Variants in CHLSN observed in about 807,000 individuals in gnomAD.
CHLSN encodes cholesin, also known as protein cholesin.
the CHLSN span, among the ~76,000 whole-genome samples, chr7:1,070,354 T>TG: frequency 2.9e-5 from 3 of 104,770 alleles, no homozygotes; most frequent in East Asian, 2.6e-4. Flanking sequence ...GGGAGGGAGG[T>TG]GGGGGGGTCA....
the CHLSN span, chr7:1,058,432 A>G: frequency 9.0e-6 from 7 of 780,596 alleles, no homozygotes; most frequent in Non-Finnish European, 1.7e-5. Context: ...TTCCCCAGCA[A>G]GCTCCAACGG....
the CHLSN span, among the ~76,000 whole-genome samples, chr7:999,354 G>T: frequency 6.6e-6 from 1 of 152,332 alleles, no homozygotes; most frequent in East Asian, 1.9e-4. Context: ...GGCTTCCCAG[G>T]CTGTTCCAGT....
At chr7:1,022,604 A>T in the CHLSN span, among the ~76,000 whole-genome samples, 2 of 152,176 alleles carry the variant, frequency 1.3e-5, no homozygotes, top group Non-Finnish European at 2.9e-5. Context: ...AGCCAGGACC[A>T]CATTCGGATC....
chr7:1,013,683 A>G, the CHLSN span, among the ~76,000 whole-genome samples: 1 of 152,194 alleles, frequency 6.6e-6, no homozygotes, highest in African/African-American at 2.4e-5. Flanking sequence ...GACGGGCCTC[A>G]TGGAAGGAAG....
chr7:1,029,118 G>C, the CHLSN span: 1 of 152,140 alleles, frequency 6.6e-6, no homozygotes, highest in African/African-American at 2.4e-5. Flanking sequence ...TAAGACTGCA[G>C]ATCAGTTTTT....
chr7:1,092,658 C>T, the CHLSN span: 2 of 1,613,200 alleles, frequency 1.2e-6, no homozygotes, highest in Non-Finnish European at 1.7e-6. Flanking sequence ...ACATTGTCAA[C>T]CTCGCCGCCT....
At chr7:1,019,815 C>A in the CHLSN span, among the ~76,000 whole-genome samples, 14 of 152,346 alleles carry the variant, frequency 9.2e-5, no homozygotes, top group African/African-American at 3.1e-4. Context: ...GCTGGGGCTG[C>A]CTGGGGTCAC....
the CHLSN span, chr7:984,863 G>C: frequency 6.7e-7 from 1 of 1,490,522 alleles, no homozygotes; most frequent in African/African-American, 1.4e-5. Context: ...TCGCTGCCCT[G>C]TCAGCCTGCT....
chr7:1,022,158 C>T, the CHLSN span, among the ~76,000 whole-genome samples: 3 of 152,222 alleles, frequency 2.0e-5, no homozygotes, highest in East Asian at 1.9e-4. Context: ...TCGTGAGCCA[C>T]GGTGGTGACG....
At chr7:1,038,227 G>A in the CHLSN span, among the ~76,000 whole-genome samples, 8 of 85,046 alleles carry the variant, frequency 9.4e-5, 1 homozygote, top group East Asian at 1.1e-3. Flanking sequence ...CCCCCCGACC[G>A]GCCAGCCGTG....
At chr7:1,046,834 C>T in the CHLSN span, among the ~76,000 whole-genome samples, 1 of 152,206 alleles carries the variant, frequency 6.6e-6, no homozygotes, top group African/African-American at 2.4e-5. Context: ...ACTGTCGCTA[C>T]CACAGCTAGT....
At chr7:1,085,163 A>T in the CHLSN span, among the ~76,000 whole-genome samples, 1 of 152,240 alleles carries the variant, frequency 6.6e-6, no homozygotes, top group Non-Finnish European at 1.5e-5. Context: ...TCTATGCATT[A>T]TCCAGTATTT....
At chr7:1,001,773 G>A in the CHLSN span, among the ~76,000 whole-genome samples, 1 of 120,596 alleles carries the variant, frequency 8.3e-6, no homozygotes. Flanking sequence ...CTGCGGGTGA[G>A]TGGAGTCCTG....
the CHLSN span, chr7:984,336 C>G: frequency 1.3e-6 from 2 of 1,493,980 alleles, no homozygotes; most frequent in South Asian, 1.3e-5. Context: ...CTACCCAGCA[C>G]AGGCCCGGCC....
chr7:1,122,051 G>A, the CHLSN span, among the ~76,000 whole-genome samples: 9,480 of 152,148 alleles, frequency 0.062, 449 homozygotes, highest in African/African-American at 0.12. Flanking sequence ...CCGCCGGCTC[G>A]CAGCCAGCCA....
At chr7:987,584 G>A in the CHLSN span, 24 of 1,430,160 alleles carry the variant, frequency 1.7e-5, no homozygotes, top group African/African-American at 5.7e-5. Flanking sequence ...AGGCCTCGGC[G>A]GGGGTCCAGG....
the CHLSN span, among the ~76,000 whole-genome samples, chr7:1,102,006 C>A: frequency 6.6e-6 from 1 of 152,228 alleles, no homozygotes; most frequent in African/African-American, 2.4e-5. Context: ...GAAGGTCTTG[C>A]CCATAGAAGT....
chr7:1,004,519 C>T, the CHLSN span, among the ~76,000 whole-genome samples: 1 of 151,380 alleles, frequency 6.6e-6, no homozygotes, highest in South Asian at 2.1e-4. Context: ...AAGGGCGCCT[C>T]TCTCTCACCG....
chr7:1,113,209 C>CT, the CHLSN span, among the ~76,000 whole-genome samples: 172 of 145,330 alleles, frequency 1.2e-3, 1 homozygote, highest in South Asian at 5.1e-3. Flanking sequence ...GCCCCTCATG[C>CT]TTTTTTTTTT....
Sources: allele counts gnomAD v4.1 joint callset (sites outside exome capture counted in the v4.1 genomes callset), GRCh38; gene constraint gnomAD v4.1.1; transcripts MANE v1.5; gene names NCBI Gene and HGNC (gene_info 2026-07-23, HGNC 2026-07-21).